USP4: variants seen among roughly 807,000 people sequenced by gnomAD.
The protein encoded by USP4 is ubiquitin specific peptidase 4.
In USP4, 72 loss-of-function variants were observed where a neutral mutation model predicts 118.2. The ratio of observed to expected loss-of-function variants is 0.61; its 90% CI spans 0.50 to 0.74. The LOEUF (loss-of-function observed/expected upper bound fraction) is 0.74, where lower values mean the gene tolerates loss of function less well. Among genes scored for constraint, USP4 ranks in the 30% least tolerant of loss-of-function variants. The pLI is 0.00. For synonymous variants in USP4, 415 were observed against 440.4 expected (o/e 0.94, Z 0.72); for missense variants, 1,037 against 1,185.7 (o/e 0.87, Z 1.84).
chr3:49,309,033 C>CAAA (rs35731425), intron 8 of USP4, among the ~76,000 whole-genome samples: 9 of 69,618 alleles, frequency 1.3e-4, no homozygotes, highest in Admixed American at 3.4e-4. Flanking sequence ...GATGCTGTCT[C>CAAA]AAAAAAAAAA....
chr3:49,298,018 A>G (rs2047227262), intron 12 of USP4, 54 bp from the exon 13 acceptor site: 2 of 1,125,318 alleles, frequency 1.8e-6, no homozygotes, highest in Admixed American at 3.8e-5. Flanking sequence ...TGCCCCTACT[A>G]ACTGCTTAAA....
chr3:49,277,826 A>C lies in USP4; in HGVS notation c.*467T>G. Reference sequence around the variant, plus strand: ...GAAAATTATAAACCCATATCAGTGCACATAGCGAGGGAAAGGGGAGTTTAC... The same window carrying C: ...GAAAATTATAAACCCATATCAGTGCCCATAGCGAGGGAAAGGGGAGTTTAC... On this transcript the variant is annotated 3_prime_UTR_variant, in exon 22 of 22. Transcript: ENST00000265560. 3.7e-6 allele frequency: 1 copy of C among 267,774 alleles called. No individual in the cohort carries two copies. Among genetic ancestry groups the C allele is most frequent in the Non-Finnish European group, 6.9e-6 (1 of 144,268 alleles). The allele number at this position is 267,774 out of a possible 1,614,324, so 16.6% of individuals were successfully genotyped here.
In USP4 at chr3:49,340,040, G is replaced by A. The variant is rs772487678; in HGVS notation, c.-16C>T. The A allele has an allele frequency of 2.5e-6, 4 of 1,599,780 alleles. No individual in the cohort carries two copies. In the South Asian group the frequency reaches 4.4e-5, roughly 18 times the overall value. On this transcript the variant is annotated 5_prime_UTR_variant, in exon 1 of 22. Transcript: ENST00000265560. ...CTTCCGCCATCTCCTCCGCGGCCCC[G>A]GCCCAGCCGGCCCGGACATCCGCCC...
chr3:49,332,488 T>C (rs1262762988), intron 2 of USP4, among the ~76,000 whole-genome samples: 1 of 151,854 alleles, frequency 6.6e-6, no homozygotes, highest in Non-Finnish European at 1.5e-5. Context: ...GCACTGACTT[T>C]TCCCCTCTAG....
intron 12 of USP4, 109 bp from the exon 13 acceptor site, chr3:49,298,073 C>A (rs2047227837): frequency 2.7e-6 from 2 of 746,440 alleles, no homozygotes; most frequent in South Asian, 3.4e-5. Flanking sequence ...TCAAATGTTG[C>A]CTCTAGAGAA....
chr3:49,324,460 C>T (rs1335942895), intron 6 of USP4, among the ~76,000 whole-genome samples: 2 of 152,220 alleles, frequency 1.3e-5, no homozygotes, highest in Non-Finnish European at 2.9e-5. Context: ...TCCCTTCCTC[C>T]TTTTCTCATT....
At chr3:49,284,624 A>G in intron 17 of USP4, 40 bp from the exon 18 acceptor site, 1 of 1,563,388 alleles carries the variant, frequency 6.4e-7, no homozygotes. Flanking sequence ...GGAGAAAGAG[A>G]TCTTACTGCA....
At position 49,331,206 on chromosome 3, in the gene USP4, G is replaced by A. The variant is rs183261919; in HGVS notation, c.230-3390C>T. 2.7e-3 allele frequency among the ~76,000 whole-genome samples: 416 copies of A among 152,106 alleles called. 3 individuals are homozygous for A. The highest frequency in any genetic ancestry group is 9.3e-3 in the African/African-American group (386 of 41,490). On this transcript the variant is annotated intron_variant, in intron 2 of 21. Coordinates refer to ENST00000265560, the MANE Select transcript of USP4 (RefSeq NM_003363.4). ...GTGGTGGCGCACGCCTATAATCCCA[G>A]CTACTCAGGAGGCTGAGGCAGGAGA...
intron 8 of USP4, among the ~76,000 whole-genome samples, chr3:49,307,723 T>G (rs1575610400): frequency 6.6e-6 from 1 of 152,074 alleles, no homozygotes; most frequent in Middle Eastern, 3.4e-3. Context: ...GTAGGAAGAC[T>G]GCTTAAGGCC....
chr3:49,313,454 G>C (rs2047406721), intron 6 of USP4, among the ~76,000 whole-genome samples: 1 of 152,208 alleles, frequency 6.6e-6, no homozygotes, highest in African/African-American at 2.4e-5. Flanking sequence ...CTTGAACCCA[G>C]GAGGCGGAGG....
intron 6 of USP4, among the ~76,000 whole-genome samples, chr3:49,319,442 G>A (rs1265862290): frequency 1.3e-5 from 2 of 151,640 alleles, no homozygotes; most frequent in East Asian, 3.9e-4. Context: ...GTAGAGACGG[G>A]GTTTCACCAT....
chr3:49,333,573 G>A (rs771215988), intron 2 of USP4, among the ~76,000 whole-genome samples: 2 of 152,148 alleles, frequency 1.3e-5, no homozygotes, highest in Non-Finnish European at 1.5e-5. Context: ...CTAAGTGGCC[G>A]AATTTCAGTG....
At chr3:49,332,873 A>G (rs2107804732) in intron 2 of USP4, among the ~76,000 whole-genome samples, 1 of 152,032 alleles carries the variant, frequency 6.6e-6, no homozygotes, top group South Asian at 2.1e-4. Context: ...AAATCTCTGC[A>G]AAAAATACAA....
chr3:49,295,712 G>GCGCA (rs1211259527), intron 13 of USP4, among the ~76,000 whole-genome samples: 4 of 137,940 alleles, frequency 2.9e-5, no homozygotes, highest in South Asian at 2.1e-4. Context: ...GCGCGCGCGC[G>GCGCA]CGCACACACA....
At position 49,294,543 on chromosome 3, in the gene USP4, A is replaced by C. The variant is rs1221655987; in HGVS notation, c.1747T>G (p.Tyr583Asp). 1 of 1,614,186 alleles carries C rather than the reference A, an allele frequency of 6.2e-7. No homozygotes were observed. Among genetic ancestry groups the C allele is most frequent in the East Asian group, 2.2e-5 (1 of 44,886 alleles). The change falls in exon 14 of 22, where the codon TAC (tyrosine) becomes GAC (aspartate). Residue 583 changes from tyrosine to aspartate, a missense_variant. Transcript: ENST00000265560. ...DGSECVTLPV[Y>D]FRERKSRPSS... ...GGCCTGGACTTCCTCTCCCTGAAGTAGACTGGAAGCGTGACACATTCCGAG... is the reference window on the plus strand; with the variant it reads ...GGCCTGGACTTCCTCTCCCTGAAGTCGACTGGAAGCGTGACACATTCCGAG...
At chr3:49,292,416 A>G (rs1043014666) in intron 15 of USP4, 94 bp downstream of exon 15, 1 of 795,358 alleles carries the variant, frequency 1.3e-6, no homozygotes, top group Non-Finnish European at 1.9e-6. Context: ...CCCAGTCCCA[A>G]CCCCCTTCTC....
intron 8 of USP4, 68 bp downstream of exon 8, chr3:49,310,552 C>A: frequency 7.3e-7 from 1 of 1,362,730 alleles, no homozygotes; most frequent in Non-Finnish European, 1.1e-6. Context: ...CCACCCAGTA[C>A]CTTTGCAGGC....
chr3:49,328,719 G>A (rs1239657617), intron 2 of USP4, among the ~76,000 whole-genome samples: 2 of 151,802 alleles, frequency 1.3e-5, no homozygotes, highest in Admixed American at 1.3e-4. Flanking sequence ...AATTAGCTGG[G>A]CATGGTGATG....
At chr3:49,310,798 C>T (rs1350947473) in intron 7 of USP4, 61 bp from the exon 8 acceptor site, 4 of 1,331,284 alleles carry the variant, frequency 3.0e-6, no homozygotes, top group Middle Eastern at 1.8e-4. Context: ...CCTCAAGATG[C>T]TTTTTGAGGC....
Sources: gnomAD v4.1 joint callset for allele counts (sites outside exome capture counted in the v4.1 genomes callset) on GRCh38, gnomAD v4.1.1 for gene constraint, MANE v1.5 for transcripts, NCBI Gene and HGNC (gene_info 2026-07-23, HGNC 2026-07-21) for gene names.